FGGY: variants seen among roughly 807,000 people sequenced by gnomAD.
FGGY encodes FGGY carbohydrate kinase domain containing.
A neutral mutation model predicts 71.3 loss-of-function variants in FGGY; 72 were observed. The ratio of observed to expected loss-of-function variants is 1.01; its 90% CI spans 0.84 to 1.23. FGGY has a LOEUF of 1.23. Among genes scored for constraint, FGGY ranks in the 50% most tolerant of loss-of-function variants. The pLI is 0.00. For synonymous variants in FGGY, 251 were observed against 250.3 expected (o/e 1.00, Z -0.02); for missense variants, 668 against 682.3 (o/e 0.98, Z 0.23).
chr1:59,457,910 T>C (rs903212159), intron 6 of FGGY, among the ~76,000 whole-genome samples: 1 of 152,216 alleles, frequency 6.6e-6, no homozygotes, highest in Admixed American at 6.5e-5. Flanking sequence ...ACATCTTCTA[T>C]GTCCCAAGCA....
intron 14 of FGGY, among the ~76,000 whole-genome samples, chr1:59,734,112 C>T (rs1032000440): frequency 6.6e-6 from 1 of 152,230 alleles, no homozygotes; most frequent in Non-Finnish European, 1.5e-5. Context: ...TCCAACAACA[C>T]AGCCTTTCTC....
intron 4 of FGGY, among the ~76,000 whole-genome samples, chr1:59,357,614 T>C (rs2054589211): frequency 6.6e-6 from 1 of 152,170 alleles, no homozygotes; most frequent in South Asian, 2.1e-4. Flanking sequence ...GTGTGTGTTA[T>C]TCTGCTGTAC....
At chr1:59,739,831 T>C (rs186885486) in intron 14 of FGGY, among the ~76,000 whole-genome samples, 2 of 152,286 alleles carry the variant, frequency 1.3e-5, no homozygotes, top group Admixed American at 1.3e-4. Context: ...CATACAACCA[T>C]AAGGCAGGCT....
chr1:59,606,004 A>C (rs1484560914), intron 8 of FGGY, among the ~76,000 whole-genome samples: 1 of 152,192 alleles, frequency 6.6e-6, no homozygotes, highest in East Asian at 1.9e-4. Context: ...TGACTTCAGC[A>C]TTCCTTACTG....
chr1:59,700,078 A>G (rs1209568662), intron 14 of FGGY, among the ~76,000 whole-genome samples: 1 of 152,224 alleles, frequency 6.6e-6, no homozygotes, highest in Non-Finnish European at 1.5e-5. Flanking sequence ...TGTGTCTGTT[A>G]CAAACACATT....
intron 7 of FGGY, among the ~76,000 whole-genome samples, chr1:59,514,657 C>T (rs1019884933): frequency 1.3e-5 from 2 of 152,070 alleles, no homozygotes; most frequent in African/African-American, 2.4e-5. Flanking sequence ...TCATGGAGGC[C>T]GGTCTTTCCC....
At chr1:59,494,815 T>C (rs79767762) in intron 6 of FGGY, among the ~76,000 whole-genome samples, 1,811 of 152,234 alleles carry the variant, frequency 0.012, 40 homozygotes, top group African/African-American at 0.041. Context: ...GAAACAAAAA[T>C]TCTTTATAGT....
Position 59,674,059 on chromosome 1 carries a change from C to T in FGGY, c.1438C>T (p.Gln480Ter), listed in dbSNP as rs202199484. ...DITGMPVVLS[Q>*]EVESVLVGAA... ...CGCAGGCATGCCTGTGGTCCTGTCG[C>T]AAGAGGTGGAGTCCGTTCTTGTGGG... The change falls in exon 14 of 16, where the codon CAA (glutamine) becomes TAA (stop). Residue 480 changes from glutamine to a stop codon, truncating the protein, a stop_gained. Transcript: ENST00000303721. LOFTEE classifies it high-confidence loss of function. The T allele has an allele frequency of 2.5e-5, 40 of 1,613,738 alleles. No homozygotes were observed. The highest frequency in any genetic ancestry group is 1.3e-4 in the Admixed American group (8 of 59,984).
chr1:59,471,876 G>C (rs978135500), intron 6 of FGGY, among the ~76,000 whole-genome samples: 2 of 152,254 alleles, frequency 1.3e-5, no homozygotes, highest in African/African-American at 4.8e-5. Flanking sequence ...GGCAGTCACT[G>C]GCACTGGTGG....
At chr1:59,697,724 C>G in intron 14 of FGGY, 1 of 1,299,734 alleles carries the variant, frequency 7.7e-7, no homozygotes, top group Non-Finnish European at 1.0e-6. Context: ...AGACTCTCTT[C>G]TTCCAGTCTT....
intron 5 of FGGY, among the ~76,000 whole-genome samples, chr1:59,402,611 A>G (rs918683897): frequency 6.6e-6 from 1 of 152,212 alleles, no homozygotes. Flanking sequence ...TTATTGGTAC[A>G]TATTGCTTAG....
intron 4 of FGGY, among the ~76,000 whole-genome samples, chr1:59,370,155 A>G (rs2057344292): frequency 6.6e-6 from 1 of 151,442 alleles, no homozygotes. Flanking sequence ...CAAAGAAGTT[A>G]AAAACTTTGA....
intron 4 of FGGY, among the ~76,000 whole-genome samples, chr1:59,347,382 T>C (rs1404833767): frequency 6.6e-6 from 1 of 151,940 alleles, no homozygotes; most frequent in African/African-American, 2.4e-5. Flanking sequence ...TTGCTGAGAA[T>C]GATGGTTTCC....
At chr1:59,621,353 T>A (rs2153835326) in intron 9 of FGGY, among the ~76,000 whole-genome samples, 1 of 151,574 alleles carries the variant, frequency 6.6e-6, no homozygotes, top group Non-Finnish European at 1.5e-5. Context: ...CTTTTGTATT[T>A]ACCTACATAA....
intron 11 of FGGY, among the ~76,000 whole-genome samples, chr1:59,651,481 G>A (rs1292145404): frequency 6.8e-6 from 1 of 147,318 alleles, no homozygotes; most frequent in African/African-American, 2.6e-5. Flanking sequence ...TCTTCTTGTT[G>A]AATTGATCCC....
At chr1:59,758,902 T>C (rs2098317703) in intron 15 of FGGY, among the ~76,000 whole-genome samples, 1 of 152,160 alleles carries the variant, frequency 6.6e-6, no homozygotes, top group Admixed American at 6.5e-5. Context: ...AGAACAGAGA[T>C]GCTGAATTCT....
At chr1:59,718,792 C>T (rs2097863117) in intron 14 of FGGY, among the ~76,000 whole-genome samples, 1 of 152,192 alleles carries the variant, frequency 6.6e-6, no homozygotes, top group Admixed American at 6.5e-5. Flanking sequence ...ACTACAAAGG[C>T]CCCTTGCCAA....
chr1:59,621,178 C>T (rs908957746), intron 9 of FGGY, among the ~76,000 whole-genome samples: 6 of 151,966 alleles, frequency 3.9e-5, no homozygotes, highest in African/African-American at 7.2e-5. Context: ...TAAGGCCCCA[C>T]TGTCATGAGC....
intron 8 of FGGY, among the ~76,000 whole-genome samples, chr1:59,586,972 G>A (rs1183981256): frequency 2.0e-5 from 3 of 152,224 alleles, no homozygotes; most frequent in Non-Finnish European, 2.9e-5. Flanking sequence ...CACCGTGCAC[G>A]AGCTGAAGCA....
Sources: gnomAD v4.1 joint callset for allele counts (sites outside exome capture counted in the v4.1 genomes callset) on GRCh38, gnomAD v4.1.1 for gene constraint, MANE v1.5 for transcripts, NCBI Gene and HGNC (gene_info 2026-07-23, HGNC 2026-07-21) for gene names.